Variants in CCSER1 observed in about 807,000 individuals in gnomAD.
CCSER1 encodes coiled-coil serine rich protein 1, also known as serine-rich coiled-coil domain-containing protein 1.
Under a neutral mutation model 82.0 loss-of-function variants are expected in CCSER1, and 41 were observed. The ratio of observed to expected loss-of-function variants is 0.50; its 90% CI spans 0.39 to 0.65. The LOEUF (loss-of-function observed/expected upper bound fraction) is 0.65. CCSER1 is among the 30% of genes least tolerant of loss of function. The pLI, the probability that CCSER1 is intolerant of heterozygous loss-of-function variation, is 0.00. For missense variants in CCSER1, 1,119 were observed against 1,064.2 expected, an observed-to-expected ratio of 1.05 and a Z score of -0.72; for synonymous variants, 414 against 383.9, an observed-to-expected ratio of 1.08 and a Z score of -0.92.
intron 1 of CCSER1, among the ~76,000 whole-genome samples, chr4:90,292,396 A>G (rs79112019): frequency 0.029 from 4,421 of 152,066 alleles, 92 homozygotes; most frequent in Admixed American, 0.055. Context: ...GGCTCACATA[A>G]TTCATCTAAT....
At chr4:91,049,561 G>A (rs1742819288) in intron 9 of CCSER1, among the ~76,000 whole-genome samples, 1 of 152,180 alleles carries the variant, frequency 6.6e-6, no homozygotes, top group Admixed American at 6.5e-5. Flanking sequence ...ATTTTTAACT[G>A]AGTGAAGAGC....
intron 10 of CCSER1, among the ~76,000 whole-genome samples, chr4:91,341,789 G>A (rs1207269637): frequency 6.6e-6 from 1 of 152,140 alleles, no homozygotes; most frequent in Non-Finnish European, 1.5e-5. Flanking sequence ...CGCCTGCCTC[G>A]GTCTTCCGAA....
chr4:90,834,811 T>C (rs968024248), intron 8 of CCSER1, among the ~76,000 whole-genome samples: 3 of 152,166 alleles, frequency 2.0e-5, no homozygotes, highest in African/African-American at 7.2e-5. Context: ...GAATAAGATG[T>C]GTAAGCACGA....
intron 10 of CCSER1, among the ~76,000 whole-genome samples, chr4:91,227,948 C>T (rs1581805693): frequency 6.6e-6 from 1 of 151,998 alleles, no homozygotes; most frequent in Non-Finnish European, 1.5e-5. Flanking sequence ...TAGATTCATC[C>T]TCTATTTGGT....
At chr4:90,391,485 T>TATATATATATATATAC (rs1438072458) in intron 3 of CCSER1, among the ~76,000 whole-genome samples, 1 of 76,650 alleles carries the variant, frequency 1.3e-5, no homozygotes, top group Non-Finnish European at 2.2e-5. Flanking sequence ...TATATATATA[T>TATATATATATATATAC]ACACACACAC....
intron 10 of CCSER1, among the ~76,000 whole-genome samples, chr4:91,337,550 C>T (rs1335984394): frequency 6.6e-6 from 1 of 152,066 alleles, no homozygotes; most frequent in Non-Finnish European, 1.5e-5. Context: ...CTTTACGTAA[C>T]CCTTAATGAC....
rs1757829174 is a variant in CCSER1 at position 91,480,191 on chromosome 4, C to A, written c.2218-118381C>A. Among the ~76,000 whole-genome samples the A allele has an allele frequency of 7.2e-5, 11 of 151,908 alleles. No individual in the cohort carries two copies. In the South Asian group the frequency reaches 2.3e-3, roughly 32 times the overall value. ...AAGTCTTTGCTATTGTGAATAATGC[C>A]GCAATGAACATACATGTGCATGTGT... On this transcript the variant is annotated intron_variant, in intron 10 of 10. Transcript: ENST00000509176.
At chr4:90,715,798 T>C (rs892309077) in intron 6 of CCSER1, among the ~76,000 whole-genome samples, 2 of 152,054 alleles carry the variant, frequency 1.3e-5, no homozygotes, top group African/African-American at 4.8e-5. Flanking sequence ...TTTTGTAATA[T>C]TATTCAAAAT....
chr4:91,275,511 T>C (rs752394962), intron 10 of CCSER1, among the ~76,000 whole-genome samples: 37 of 152,182 alleles, frequency 2.4e-4, no homozygotes, highest in Non-Finnish European at 4.0e-4. Context: ...CAACTTTTAG[T>C]GGGTTTATTT....
intron 10 of CCSER1, among the ~76,000 whole-genome samples, chr4:91,580,888 A>G (rs1014184448): frequency 2.6e-5 from 4 of 151,578 alleles, no homozygotes; most frequent in Non-Finnish European, 5.9e-5. Flanking sequence ...ATACATCTTC[A>G]TTTTACAGAT....
chr4:90,619,587 T>C (rs1721931629), intron 5 of CCSER1, among the ~76,000 whole-genome samples: 2 of 152,076 alleles, frequency 1.3e-5, no homozygotes, highest in African/African-American at 4.8e-5. Context: ...TGAAATGTCT[T>C]TGATGATTTT....
In CCSER1 at chr4:91,311,726, C is replaced by T. The variant is rs146457927; in HGVS notation, c.2217+225732C>T. 4.6e-3 allele frequency among the ~76,000 whole-genome samples: 693 copies of T among 152,010 alleles called. 4 individuals are homozygous for T. The highest frequency in any genetic ancestry group is 0.016 in the African/African-American group (645 of 41,548). The stretch of plus-strand genomic sequence containing the variant: ...GGTCTTAAAGCCAGTGCCACATGCT[C>T]ATGTGATGAATTTAGCTTACATATT... On this transcript the variant is annotated intron_variant, in intron 10 of 10. Transcript: ENST00000509176.
chr4:90,219,797 C>T, intron 1 of CCSER1, among the ~76,000 whole-genome samples: 2 of 152,184 alleles, frequency 1.3e-5, no homozygotes, highest in South Asian at 4.1e-4. Flanking sequence ...GTAAGTATCC[C>T]ATGCTTAAAT....
intron 5 of CCSER1, among the ~76,000 whole-genome samples, chr4:90,472,110 C>T (rs1436593852): frequency 1.3e-5 from 2 of 151,960 alleles, no homozygotes; most frequent in Non-Finnish European, 2.9e-5. Flanking sequence ...GTAAATTTTC[C>T]CCTTGAATTT....
At chr4:90,238,174 T>C (rs1638867189) in intron 1 of CCSER1, among the ~76,000 whole-genome samples, 1 of 152,228 alleles carries the variant, frequency 6.6e-6, no homozygotes, top group African/African-American at 2.4e-5. Context: ...GTCAAACCTT[T>C]TTTTTGAAGC....
chr4:90,269,379 G>T (rs985165602), intron 1 of CCSER1, among the ~76,000 whole-genome samples: 1 of 151,978 alleles, frequency 6.6e-6, no homozygotes, highest in Non-Finnish European at 1.5e-5. Context: ...AATAACACAA[G>T]AAATTTTGAA....
At chr4:91,195,165 C>T (rs1735309878) in intron 10 of CCSER1, among the ~76,000 whole-genome samples, 1 of 152,134 alleles carries the variant, frequency 6.6e-6, no homozygotes, top group South Asian at 2.1e-4. Flanking sequence ...AGTAACACTT[C>T]ACTTTGATGC....
chr4:91,248,994 C>A (rs1207694796), intron 10 of CCSER1, among the ~76,000 whole-genome samples: 2 of 152,080 alleles, frequency 1.3e-5, no homozygotes, highest in Non-Finnish European at 2.9e-5. Flanking sequence ...CCATAGAGCT[C>A]TTTATGATAT....
intron 4 of CCSER1, among the ~76,000 whole-genome samples, chr4:90,448,964 G>A (rs1761073659): frequency 6.6e-6 from 1 of 152,174 alleles, no homozygotes; most frequent in South Asian, 2.1e-4. Flanking sequence ...ACAAGGCAAA[G>A]AGGTGCTTTA....
Sources: gnomAD v4.1 joint callset for allele counts (sites outside exome capture counted in the v4.1 genomes callset) on GRCh38, gnomAD v4.1.1 for gene constraint, MANE v1.5 for transcripts, NCBI Gene and HGNC (gene_info 2026-07-23, HGNC 2026-07-21) for gene names.